LYPD6B: variants seen among roughly 807,000 people sequenced by gnomAD.
LYPD6B encodes the protein ly6/PLAUR domain-containing protein 6B.
Under a neutral mutation model 22.8 loss-of-function variants are expected in LYPD6B, and 17 were observed. The observed-to-expected ratio is 0.75, with a 90% CI of 0.51 to 1.12. LYPD6B has a LOEUF of 1.12. Among genes scored for constraint, LYPD6B ranks in the 50% most tolerant of loss-of-function variants. The pLI is 0.00. For missense variants in LYPD6B, 221 were observed against 258.3 expected (o/e 0.86, Z 0.99); for synonymous variants, 106 against 91.6 (o/e 1.16, Z -0.90).
chr2:149,158,305 G>T (rs1393442847), intron 2 of LYPD6B, among the ~76,000 whole-genome samples: 1 of 152,024 alleles, frequency 6.6e-6, no homozygotes, highest in African/African-American at 2.4e-5. Context: ...ACAAAATGTG[G>T]TATATACTTA....
chr2:149,178,513 C>T (rs1313301977), intron 3 of LYPD6B, among the ~76,000 whole-genome samples: 1 of 152,184 alleles, frequency 6.6e-6, no homozygotes, highest in East Asian at 1.9e-4. Context: ...GGAGGCCATG[C>T]AGTGTGTAGT....
chr2:149,160,573 T>C, intron 2 of LYPD6B, 191 bp from the exon 3 acceptor site: 1 of 672,542 alleles, frequency 1.5e-6, no homozygotes, highest in South Asian at 1.5e-5. Flanking sequence ...GTAATGTTAA[T>C]GGCCCCACCT....
intron 1 of LYPD6B, among the ~76,000 whole-genome samples, chr2:149,126,600 T>A (rs1048731697): frequency 6.6e-6 from 1 of 152,182 alleles, no homozygotes; most frequent in Non-Finnish European, 1.5e-5. Context: ...GGGGTGGGTC[T>A]TGCATCTCAA....
chr2:149,150,638 T>C (rs1197190444), intron 2 of LYPD6B, among the ~76,000 whole-genome samples: 1 of 152,204 alleles, frequency 6.6e-6, no homozygotes, highest in Non-Finnish European at 1.5e-5. Flanking sequence ...GGTTCTGAAA[T>C]TTCACAATAA....
intron 1 of LYPD6B, among the ~76,000 whole-genome samples, chr2:149,113,296 C>T (rs1686849356): frequency 6.6e-6 from 1 of 152,050 alleles, no homozygotes; most frequent in African/African-American, 2.4e-5. Flanking sequence ...TATGTGATCC[C>T]CCTACTTAAA....
intron 3 of LYPD6B, among the ~76,000 whole-genome samples, chr2:149,161,798 A>G (rs1269393054): frequency 6.6e-6 from 1 of 152,214 alleles, no homozygotes; most frequent in African/African-American, 2.4e-5. Context: ...TAAAGAGCAG[A>G]TTGAATTATT....
intron 2 of LYPD6B, among the ~76,000 whole-genome samples, chr2:149,147,366 G>A (rs1332414906): frequency 6.6e-6 from 1 of 152,172 alleles, no homozygotes; most frequent in Non-Finnish European, 1.5e-5. Flanking sequence ...CTGAAGGACA[G>A]GCTTTTCTGC....
intron 2 of LYPD6B, among the ~76,000 whole-genome samples, chr2:149,148,062 A>C (rs570691067): frequency 3.9e-5 from 6 of 152,140 alleles, no homozygotes; most frequent in Non-Finnish European, 8.8e-5. Flanking sequence ...TTTGCCTGTC[A>C]ATTCAGTACA....
chr2:149,175,061 C>CTCTCTCTCTCTG lies in LYPD6B; in HGVS notation c.77+14227_77+14228insCTCTCTCTCTGT, dbSNP rs1454802925. ...TCTCTCTCTCTCTCTCTCTCTCTCTCTGTGTGTGTGTGTGTGTGTGTGTGT... is the reference window on the plus strand; with the variant it reads ...TCTCTCTCTCTCTCTCTCTCTCTCTCTCTCTCTCTCTGTGTGTGTGTGTGTGTGTGTGTGTGT... On this transcript the variant is annotated intron_variant, in intron 3 of 6. Transcript: ENST00000409642. 2.0e-4 allele frequency among the ~76,000 whole-genome samples: 23 copies of CTCTCTCTCTCTG among 113,074 alleles called. 1 individual carries two copies. The highest frequency in any genetic ancestry group is 1.9e-3 in the South Asian group (5 of 2,648). The allele number at this position is 113,074 out of a possible 152,430, so 74.2% of individuals were successfully genotyped here.
intron 3 of LYPD6B, among the ~76,000 whole-genome samples, chr2:149,196,759 G>C (rs1052794906): frequency 1.1e-4 from 17 of 152,260 alleles, no homozygotes; most frequent in Admixed American, 8.5e-4. Flanking sequence ...CATATACAGA[G>C]ACATTTCTCA....
At chr2:149,052,881 G>A (rs1683627659) in intron 1 of LYPD6B, among the ~76,000 whole-genome samples, 1 of 152,152 alleles carries the variant, frequency 6.6e-6, no homozygotes, top group Non-Finnish European at 1.5e-5. Flanking sequence ...AAAACGAGAA[G>A]CCCCCATAAG....
chr2:149,181,573 A>C (rs981874199), intron 3 of LYPD6B, among the ~76,000 whole-genome samples: 1 of 152,154 alleles, frequency 6.6e-6, no homozygotes, highest in African/African-American at 2.4e-5. Flanking sequence ...CACTGTATCA[A>C]CTTCCTTAAA....
chr2:149,056,323 G>A (rs113581011), intron 1 of LYPD6B, among the ~76,000 whole-genome samples: 8 of 152,320 alleles, frequency 5.3e-5, no homozygotes, highest in South Asian at 2.1e-4. Context: ...TCCCCAGGGT[G>A]CTCATGGAGG....
intron 1 of LYPD6B, among the ~76,000 whole-genome samples, chr2:149,040,437 G>C (rs1683025308): frequency 6.6e-6 from 1 of 152,036 alleles, no homozygotes; most frequent in Non-Finnish European, 1.5e-5. Context: ...TGTTGGCCAG[G>C]CTGGTCTCGA....
At chr2:149,049,923 G>A (rs1683475443) in intron 1 of LYPD6B, among the ~76,000 whole-genome samples, 2 of 152,174 alleles carry the variant, frequency 1.3e-5, no homozygotes, top group Non-Finnish European at 2.9e-5. Flanking sequence ...CTCTCTAGGA[G>A]TGACTTGGAT....
chr2:149,067,233 T>C (rs542673602), intron 1 of LYPD6B, among the ~76,000 whole-genome samples: 1 of 152,300 alleles, frequency 6.6e-6, no homozygotes, highest in East Asian at 1.9e-4. Flanking sequence ...TGAGAAGCGC[T>C]GCTACATAAT....
At chr2:149,198,897 C>G (rs1401052470) in intron 3 of LYPD6B, among the ~76,000 whole-genome samples, 1 of 152,128 alleles carries the variant, frequency 6.6e-6, no homozygotes, top group Non-Finnish European at 1.5e-5. Flanking sequence ...ATAAAAATTA[C>G]AGAATATTAG....
chr2:149,125,767 C>G (rs186638696), intron 1 of LYPD6B, among the ~76,000 whole-genome samples: 2 of 152,118 alleles, frequency 1.3e-5, no homozygotes, highest in Admixed American at 6.6e-5. Context: ...TTTACAGAGA[C>G]GTTTTAAAAA....
At chr2:149,061,481 G>C (rs1684077054) in intron 1 of LYPD6B, among the ~76,000 whole-genome samples, 1 of 152,058 alleles carries the variant, frequency 6.6e-6, no homozygotes, top group Non-Finnish European at 1.5e-5. Context: ...TCTTCTCCCT[G>C]GTAGCCCCCT....
Sources: gnomAD v4.1 joint callset for allele counts (sites outside exome capture counted in the v4.1 genomes callset) on GRCh38, gnomAD v4.1.1 for gene constraint, MANE v1.5 for transcripts, NCBI Gene and HGNC (gene_info 2026-07-23, HGNC 2026-07-21) for gene names.